EEIG2: variants seen among roughly 807,000 people sequenced by gnomAD.
EEIG2 encodes the protein family with sequence similarity 102 member B.
At chr1:108,570,647 G>A in the EEIG2 span, among the ~76,000 whole-genome samples, 1 of 152,228 alleles carries the variant, frequency 6.6e-6, no homozygotes, top group African/African-American at 2.4e-5. Flanking sequence ...ACGTGTTCAT[G>A]CAGTTTTCTC....
the EEIG2 span, among the ~76,000 whole-genome samples, chr1:108,564,392 T>C: frequency 6.6e-6 from 1 of 152,216 alleles, no homozygotes. Flanking sequence ...ACAGATGCCT[T>C]GACGCCACCA....
At chr1:108,567,734 A>C in the EEIG2 span, among the ~76,000 whole-genome samples, 4 of 152,222 alleles carry the variant, frequency 2.6e-5, no homozygotes, top group Non-Finnish European at 5.9e-5. Flanking sequence ...TTATGGGCTC[A>C]TGCCTGTAAT....
chr1:108,628,918 G>A, the EEIG2 span: 1 of 877,316 alleles, frequency 1.1e-6, no homozygotes, highest in Non-Finnish European at 1.7e-6. Context: ...TATTTGTATA[G>A]TAAATTTCAT....
chr1:108,598,996 C>T, the EEIG2 span, among the ~76,000 whole-genome samples: 3 of 152,082 alleles, frequency 2.0e-5, no homozygotes, highest in Non-Finnish European at 4.4e-5. Flanking sequence ...AGAGACCCAT[C>T]TTTACCAAAA....
At chr1:108,571,120 A>G in the EEIG2 span, among the ~76,000 whole-genome samples, 2 of 152,152 alleles carry the variant, frequency 1.3e-5, no homozygotes, top group African/African-American at 4.8e-5. Flanking sequence ...GAAGAGAGAA[A>G]AATTGCAAAA....
the EEIG2 span, among the ~76,000 whole-genome samples, chr1:108,587,419 A>T: frequency 6.6e-6 from 1 of 152,132 alleles, no homozygotes; most frequent in Non-Finnish European, 1.5e-5. Flanking sequence ...TTGACGCAGC[A>T]TCATCTAAAG....
chr1:108,613,618 T>C, the EEIG2 span, among the ~76,000 whole-genome samples: 2 of 152,124 alleles, frequency 1.3e-5, no homozygotes, highest in African/African-American at 2.4e-5. Context: ...AAAAAAATAC[T>C]CTTTGAAGAT....
At chr1:108,586,696 C>T in the EEIG2 span, among the ~76,000 whole-genome samples, 5 of 151,852 alleles carry the variant, frequency 3.3e-5, no homozygotes, top group African/African-American at 4.8e-5. Context: ...ACTGTAGGGG[C>T]GCAAATTTGA....
At chr1:108,612,074 T>C in the EEIG2 span, 1 of 703,576 alleles carries the variant, frequency 1.4e-6, no homozygotes, top group African/African-American at 1.8e-5. Context: ...ATAAATGAAG[T>C]TGGAGAAAAC....
the EEIG2 span, among the ~76,000 whole-genome samples, chr1:108,583,365 G>C: frequency 7.3e-5 from 11 of 151,166 alleles, no homozygotes; most frequent in East Asian, 2.1e-3. Context: ...GGCTGGTCTT[G>C]AACTCCTGAG....
chr1:108,580,844 A>T, the EEIG2 span, among the ~76,000 whole-genome samples: 1 of 152,326 alleles, frequency 6.6e-6, no homozygotes, highest in African/African-American at 2.4e-5. Flanking sequence ...GGCAAGTGCT[A>T]AAGTAAGAGC....
the EEIG2 span, among the ~76,000 whole-genome samples, chr1:108,564,463 G>T: frequency 2.6e-5 from 4 of 152,180 alleles, no homozygotes; most frequent in Admixed American, 6.5e-5. Context: ...GCATATGGTG[G>T]TGGAAGATAT....
the EEIG2 span, chr1:108,612,348 A>G: frequency 1.7e-6 from 2 of 1,180,692 alleles, no homozygotes; most frequent in South Asian, 2.6e-5. Context: ...GCCTTTAAAT[A>G]AGCGTATGTA....
chr1:108,568,824 G>A, the EEIG2 span, among the ~76,000 whole-genome samples: 2 of 152,176 alleles, frequency 1.3e-5, no homozygotes, highest in African/African-American at 4.8e-5. Flanking sequence ...GAGGAGAGGG[G>A]AAGGGAAGGT....
chr1:108,624,760 T>C, the EEIG2 span: 3 of 1,603,520 alleles, frequency 1.9e-6, no homozygotes, highest in Non-Finnish European at 2.6e-6. Flanking sequence ...TATGGATGTG[T>C]GGCTTACTGG....
the EEIG2 span, among the ~76,000 whole-genome samples, chr1:108,620,325 T>C: frequency 0.083 from 5,388 of 65,210 alleles, 124 homozygotes; most frequent in South Asian, 0.2. Context: ...TGTATAATTC[T>C]TCTGAAGCAC....
the EEIG2 span, among the ~76,000 whole-genome samples, chr1:108,602,124 T>C: frequency 2.6e-5 from 4 of 152,124 alleles, no homozygotes; most frequent in Non-Finnish European, 5.9e-5. Flanking sequence ...CAGGAGTCAG[T>C]GAAGACTTCT....
At chr1:108,624,791 G>T in the EEIG2 span, 3 of 1,505,216 alleles carry the variant, frequency 2.0e-6, no homozygotes, top group Non-Finnish European at 2.8e-6. Flanking sequence ...TGTGAGAGAC[G>T]ACTTGATGCC....
the EEIG2 span, among the ~76,000 whole-genome samples, chr1:108,588,621 C>T: frequency 6.6e-6 from 1 of 151,790 alleles, no homozygotes. Flanking sequence ...ACCTCAGATA[C>T]TTGATGTTTT....
Sources: gnomAD v4.1 joint callset for allele counts (sites outside exome capture counted in the v4.1 genomes callset) on GRCh38, gnomAD v4.1.1 for gene constraint, MANE v1.5 for transcripts, NCBI Gene and HGNC (gene_info 2026-07-23, HGNC 2026-07-21) for gene names.